Variants in SETBP1 observed in about 807,000 individuals in gnomAD.
The protein encoded by SETBP1 is SET-binding protein.
In SETBP1, 9 loss-of-function variants were observed where a neutral mutation model predicts 101.0. The ratio of observed to expected loss-of-function variants is 0.09; its 90% CI spans 0.05 to 0.16. SETBP1 has a LOEUF of 0.16. SETBP1 is among the 10% of genes least tolerant of loss of function. SETBP1 has a pLI of 1.00. For missense variants in SETBP1, 1,858 were observed against 2,033.8 expected (o/e 0.91, Z 1.66); for synonymous variants, 818 against 788.5 (o/e 1.04, Z -0.63).
chr18:44,851,408 G>A (rs1024095210), intron 2 of SETBP1, among the ~76,000 whole-genome samples: 1 of 152,150 alleles, frequency 6.6e-6, no homozygotes, highest in Non-Finnish European at 1.5e-5. Flanking sequence ...TGCTGTTTTA[G>A]GGAAATGCAA....
At chr18:44,985,815 TCA>T (rs1421908945) in intron 4 of SETBP1, among the ~76,000 whole-genome samples, 1 of 152,160 alleles carries the variant, frequency 6.6e-6, no homozygotes, top group South Asian at 2.1e-4. Flanking sequence ...CATGATTTCC[TCA>T]CAGATTTACA....
intron 1 of SETBP1, among the ~76,000 whole-genome samples, chr18:44,700,577 C>T (rs2069098803): frequency 6.6e-6 from 1 of 152,134 alleles, no homozygotes; most frequent in Non-Finnish European, 1.5e-5. Context: ...CAAACCTAAG[C>T]TTTGCATTTG....
intron 2 of SETBP1, among the ~76,000 whole-genome samples, chr18:44,713,178 C>T (rs1424660372): frequency 3.3e-5 from 5 of 152,028 alleles, no homozygotes; most frequent in African/African-American, 9.6e-5. Context: ...CGGATGGTCT[C>T]GATCTTCTGA....
intron 4 of SETBP1, among the ~76,000 whole-genome samples, chr18:44,971,883 A>C (rs2145196733): frequency 6.6e-6 from 1 of 152,268 alleles, no homozygotes; most frequent in East Asian, 1.9e-4. Flanking sequence ...TAGTTTAATT[A>C]GATCCCATTT....
rs766018797 is a variant in SETBP1 at position 44,951,055 on chromosome 18, C to G, written c.1715C>G (p.Thr572Ser). ...YPITPSSPLY[T>S]NTDSLTVITP... ...ATCACCCCATCCAGCCCTCTCTACA[C>G]CAACACAGACAGTCTTACTGTGATC... Residue 572 changes from threonine to serine, a missense_variant, in exon 4 of 6, where the codon ACC (threonine) becomes AGC (serine). Transcript: ENST00000649279. This position sits in a 1 kb window ranked among gnomAD's most constrained non-coding sequence, Gnocchi z 7.8. 3 of 1,614,120 alleles carry G rather than the reference C, an allele frequency of 1.9e-6. No homozygotes were observed. Among genetic ancestry groups the G allele is most frequent in the Non-Finnish European group, 1.7e-6 (2 of 1,180,034 alleles).
chr18:44,944,364 A>G (rs994549206), intron 3 of SETBP1, among the ~76,000 whole-genome samples: 3 of 152,184 alleles, frequency 2.0e-5, no homozygotes, highest in African/African-American at 7.2e-5. Context: ...TATAGCAACC[A>G]CAGAAGGGCC....
At chr18:44,948,541 T>C (rs1052240267) in intron 3 of SETBP1, among the ~76,000 whole-genome samples, 1 of 152,004 alleles carries the variant, frequency 6.6e-6, no homozygotes, top group Admixed American at 6.6e-5. Flanking sequence ...GATAGATAGA[T>C]ATTACCAGCT....
Position 44,716,665 on chromosome 18 carries a change from C to T in SETBP1, c.486+14833C>T, listed in dbSNP as rs547440811. 1.8e-4 allele frequency among the ~76,000 whole-genome samples: 27 copies of T among 152,252 alleles called. No individual in the cohort carries two copies. The South Asian group carries it at 3.5e-3, about 20-fold the overall frequency. ...GCAACCTCCAACTCCCAGGTTCAAG[C>T]GATCCTCTCACCTCAGCCTCCCAAA... On this transcript the variant is annotated intron_variant, in intron 2 of 5. Coordinates refer to ENST00000649279, the MANE Select transcript of SETBP1 (RefSeq NM_015559.3).
intron 3 of SETBP1, among the ~76,000 whole-genome samples, chr18:44,909,115 C>T (rs912522634): frequency 6.6e-5 from 10 of 152,068 alleles, no homozygotes; most frequent in African/African-American, 2.4e-4. Context: ...CCTCACCTAC[C>T]TTAAGGTGGG....
chr18:44,887,072 G>A (rs910272545), intron 3 of SETBP1, among the ~76,000 whole-genome samples: 2 of 152,050 alleles, frequency 1.3e-5, no homozygotes, highest in Admixed American at 6.6e-5. Context: ...TTCTAAAATC[G>A]TGTGGTTCCT....
At chr18:44,876,128 C>T (rs933852069) in intron 3 of SETBP1, among the ~76,000 whole-genome samples, 1 of 152,220 alleles carries the variant, frequency 6.6e-6, no homozygotes, top group South Asian at 2.1e-4. Flanking sequence ...TCCTGTCCTT[C>T]CCCAAACTCT....
intron 2 of SETBP1, among the ~76,000 whole-genome samples, chr18:44,716,141 G>A (rs1375139267): frequency 6.6e-6 from 1 of 152,112 alleles, no homozygotes; most frequent in African/African-American, 2.4e-5. Flanking sequence ...GTGTCTGCTG[G>A]GTTTGGCGAA....
chr18:44,750,167 T>A (rs1190454874), intron 2 of SETBP1, among the ~76,000 whole-genome samples: 3 of 152,202 alleles, frequency 2.0e-5, no homozygotes, highest in African/African-American at 7.2e-5. Context: ...TGGGCTGCTA[T>A]AACAAAATAT....
chr18:44,736,308 G>T (rs545597459), intron 2 of SETBP1, among the ~76,000 whole-genome samples: 35 of 152,292 alleles, frequency 2.3e-4, no homozygotes, highest in Non-Finnish European at 4.0e-4. Context: ...GAGCCTGGGA[G>T]GTCGAGGCTG....
intron 4 of SETBP1, among the ~76,000 whole-genome samples, chr18:45,021,695 A>G (rs2073072918): frequency 6.6e-6 from 1 of 152,338 alleles, no homozygotes; most frequent in Non-Finnish European, 1.5e-5. Context: ...GAATACATAC[A>G]CTAGAGAGGG....
At chr18:44,751,530 A>G (rs2070379524) in intron 2 of SETBP1, among the ~76,000 whole-genome samples, 1 of 151,986 alleles carries the variant, frequency 6.6e-6, no homozygotes, top group African/African-American at 2.4e-5. Flanking sequence ...TTTTATTACT[A>G]TTTATAGTTA....
intron 2 of SETBP1, among the ~76,000 whole-genome samples, chr18:44,867,587 A>G (rs2069156760): frequency 6.6e-6 from 1 of 152,048 alleles, no homozygotes; most frequent in Non-Finnish European, 1.5e-5. Flanking sequence ...ATTACATTTC[A>G]CCCTTAGTTC....
rs2071306547 is a variant in SETBP1, at chr18:44,950,188, A to G, written c.848A>G (p.Asp283Gly). ...AGTCAGTTGTCTAACAATAACAAAG[A>G]TCTGCTCTTGGGAGGTGTGGCTCCA... is the stretch of plus-strand genomic sequence containing the variant. ...TWSQLSNNNK[D>G]LLLGGVAPSP... is the part of the protein sequence containing the mutation. Residue 283 changes from aspartate (D) to glycine (G), a missense_variant, in exon 4 of 6, where the codon GAT becomes GGT. This residue lies in a region of SETBP1 where 581 missense variants were observed against 535.1 expected (regional missense o/e 1.09). Coordinates refer to ENST00000649279, the MANE Select transcript of SETBP1 (RefSeq NM_015559.3). 6.2e-7 allele frequency: 1 copy of G among 1,613,898 alleles called. No individual in the cohort carries two copies.
chr18:44,827,091 T>C (rs1000764385), intron 2 of SETBP1, among the ~76,000 whole-genome samples: 1 of 152,208 alleles, frequency 6.6e-6, no homozygotes. Flanking sequence ...AGCATAAGCA[T>C]AGGGCTCACT....
Sources: gnomAD v4.1 joint callset for allele counts (sites outside exome capture counted in the v4.1 genomes callset) on GRCh38, gnomAD v4.1.1 for gene constraint, gnomAD v4.1.1 regional missense constraint, Gnocchi (gnomAD v3.1) non-coding constraint, MANE v1.5 for transcripts, NCBI Gene and HGNC (gene_info 2026-07-23, HGNC 2026-07-21) for gene names.